The following TOMM20 variants were observed in gnomAD, a reference collection of about 807,000 sequenced individuals.
TOMM20 encodes translocase of outer mitochondrial membrane 20, also known as mitochondrial import receptor subunit TOM20 homolog.
A neutral mutation model predicts 22.1 loss-of-function variants in TOMM20; 10 were observed. That is an observed-to-expected ratio of 0.45 (90% CI 0.28 to 0.77). The LOEUF (loss-of-function observed/expected upper bound fraction) is 0.77. TOMM20 is among the 30% of genes least tolerant of loss of function. The probability of loss-of-function intolerance (pLI) is 0.13; values close to 1 mark genes in which losing one functional copy is unlikely to be tolerated. For synonymous variants in TOMM20, 55 were observed against 61.4 expected (o/e 0.90, Z 0.49); for missense variants, 121 against 172.2 (o/e 0.70, Z 1.66).
At chr1:235,125,515 G>A (rs964845716) in intron 1 of TOMM20, among the ~76,000 whole-genome samples, 8 of 151,416 alleles carry the variant, frequency 5.3e-5, no homozygotes, top group Middle Eastern at 3.5e-3. Flanking sequence ...ACGCCCGGCC[G>A]CCTAAGTCTC....
Position 235,109,755 on chromosome 1 carries a change from G to A in TOMM20, c.*2309C>T, listed in dbSNP as rs1660704648. 6.6e-6 allele frequency: 1 copy of A among 152,208 alleles called. No homozygotes were observed. Among genetic ancestry groups the A allele is most frequent in the Non-Finnish European group, 1.5e-5 (1 of 68,030 alleles). The allele number at this position is 152,208 out of a possible 1,614,324, so 9.4% of individuals were successfully genotyped here. On this transcript the variant is annotated 3_prime_UTR_variant, in exon 5 of 5. Transcript: ENST00000366607. ...GAACAAAACTATATCTTTGCCCAAA[G>A]AAGCACATCAACTGTTGCACTAATA...
Position 235,128,817 on chromosome 1 carries a change from G to T in TOMM20, c.-102C>A. The T allele has an allele frequency of 6.4e-7, 1 of 1,553,052 alleles. No homozygotes were observed. The highest frequency in any genetic ancestry group is 8.7e-7 in the Non-Finnish European group (1 of 1,150,852). On this transcript the variant is annotated 5_prime_UTR_variant, in exon 1 of 5. Coordinates refer to ENST00000366607, the MANE Select transcript of TOMM20 (RefSeq NM_014765.3). ...TCGGCGCAGCTCACACCCGACGGCC[G>T]CGGGCCAGGAACACAGAAAGGCCGA...
intron 3 of TOMM20, 116 bp from the exon 4 acceptor site, chr1:235,114,026 T>A (rs1660785688): frequency 8.7e-7 from 1 of 1,152,288 alleles, no homozygotes; most frequent in African/African-American, 1.5e-5. Context: ...AGTAAAATAC[T>A]GGAAATGACC....
chr1:235,118,793 G>A (rs373388224), intron 3 of TOMM20, among the ~76,000 whole-genome samples: 3 of 152,142 alleles, frequency 2.0e-5, no homozygotes, highest in African/African-American at 7.2e-5. Flanking sequence ...CCAAAGTGCT[G>A]GGAATACAGG....
chr1:235,109,964 T>G lies in TOMM20; in HGVS notation c.*2100A>C, dbSNP rs114130203. 3 of 152,188 alleles carry G rather than the reference T, an allele frequency of 2.0e-5. No homozygotes were observed. Among genetic ancestry groups the G allele is most frequent in the Admixed American group, 1.3e-4 (2 of 15,276 alleles). 9.4% of individuals were successfully genotyped at this position (152,188 alleles called of 1,614,324 possible). ...TTGTAAAACTTAAGATGGGGATGAA[T>G]AGTGTTTGGCAATTACATTTCTGGG... On this transcript the variant is annotated 3_prime_UTR_variant, in exon 5 of 5. Transcript: ENST00000366607.
At chr1:235,120,024 G>A in intron 2 of TOMM20, 125 bp from the exon 3 acceptor site, 3 of 528,998 alleles carry the variant, frequency 5.7e-6, no homozygotes, top group Non-Finnish European at 9.9e-6. Context: ...TCTGATAGAA[G>A]AACTTTACTC....
chr1:235,125,914 TA>T (rs1661009449), intron 1 of TOMM20, among the ~76,000 whole-genome samples: 1 of 150,650 alleles, frequency 6.6e-6, no homozygotes, highest in Non-Finnish European at 1.5e-5. Context: ...CACGCCCAGC[TA>T]ATTTTTTTTT....
chr1:235,116,941 C>T (rs965736194), intron 3 of TOMM20, among the ~76,000 whole-genome samples: 11 of 150,180 alleles, frequency 7.3e-5, no homozygotes, highest in Admixed American at 2.6e-4. Context: ...CGAGACCATC[C>T]TGGCTAACAT....
chr1:235,122,396 T>A lies in TOMM20; in HGVS notation c.122-24A>T, dbSNP rs114506194. 2.3e-3 allele frequency: 3,596 copies of A among 1,574,840 alleles called. 52 individuals carry two copies. In the African/African-American group the frequency reaches 0.037, roughly 16 times the overall value. ...TCCTGCAAGAAATGCAAAGTTATAT[T>A]TACATTTTGTCATTATAAAAATGGG... On this transcript the variant is annotated intron_variant, in intron 1 of 4. Transcript: ENST00000366607.
chr1:235,126,532 C>A (rs1368771040), intron 1 of TOMM20, among the ~76,000 whole-genome samples: 1 of 151,960 alleles, frequency 6.6e-6, no homozygotes, highest in African/African-American at 2.4e-5. Flanking sequence ...CATCCGGACG[C>A]GGTGGCTCAC....
intron 1 of TOMM20, among the ~76,000 whole-genome samples, chr1:235,125,766 G>GTC (rs1458102475): frequency 6.7e-6 from 1 of 148,612 alleles, no homozygotes; most frequent in Non-Finnish European, 1.5e-5. Context: ...TTGAGACCGA[G>GTC]TCTCGCTCTG....
intron 4 of TOMM20, 95 bp downstream of exon 4, chr1:235,113,673 A>C: frequency 6.9e-7 from 1 of 1,447,540 alleles, no homozygotes; most frequent in Non-Finnish European, 9.3e-7. Flanking sequence ...AGATAAGTTT[A>C]TTTCATCATG....
intron 2 of TOMM20, among the ~76,000 whole-genome samples, chr1:235,121,197 CAAA>C (rs5781819): frequency 7.9e-6 from 1 of 126,496 alleles, no homozygotes. Flanking sequence ...GACTCCATCT[CAAA>C]AAAAAAAAAA....
intron 4 of TOMM20, 28 bp downstream of exon 4, chr1:235,113,740 T>C (rs1660780677): frequency 6.3e-7 from 1 of 1,586,590 alleles, no homozygotes; most frequent in Non-Finnish European, 8.6e-7. Context: ...CCCACTCACT[T>C]TTATGTCATA....
chr1:235,113,858 T>C lies in TOMM20; in HGVS notation c.303A>G (p.Gly101=), dbSNP rs1021614878. 1.2e-6 allele frequency: 2 copies of C among 1,613,704 alleles called. No homozygotes were observed. Among genetic ancestry groups the C allele is most frequent in the Non-Finnish European group, 1.7e-6 (2 of 1,179,770 alleles). The change falls in exon 4 of 5, where the codon GGA becomes GGG. Residue 101 remains glycine, a synonymous_variant. Transcript: ENST00000366607. The part of the protein sequence containing the change: ...DHLTNAIAVC[G]QPQQLLQVLQ... ...AGACCTGCAGTAACTGCTGTGGCTG[T>C]CCACACACAGCAATTGCATTTGTCA... is the stretch of plus-strand genomic sequence containing the variant.
intron 1 of TOMM20, among the ~76,000 whole-genome samples, chr1:235,123,136 C>A (rs1330234407): frequency 6.6e-6 from 1 of 152,172 alleles, no homozygotes; most frequent in Non-Finnish European, 1.5e-5. Flanking sequence ...ATGAAACAAG[C>A]AAATGTCCTC....
At chr1:235,117,890 AG>A (rs1660861760) in intron 3 of TOMM20, among the ~76,000 whole-genome samples, 2 of 152,198 alleles carry the variant, frequency 1.3e-5, no homozygotes, top group East Asian at 3.8e-4. Flanking sequence ...CCAATTGTGT[AG>A]GTCATTGTCA....
intron 3 of TOMM20, among the ~76,000 whole-genome samples, chr1:235,117,215 T>G (rs1219372448): frequency 6.8e-6 from 1 of 146,614 alleles, no homozygotes; most frequent in Non-Finnish European, 1.5e-5. Flanking sequence ...TCCCAGCACT[T>G]TGGGAAGCCA....
At chr1:235,117,154 A>C (rs1204215768) in intron 3 of TOMM20, among the ~76,000 whole-genome samples, 1 of 145,210 alleles carries the variant, frequency 6.9e-6, no homozygotes, top group African/African-American at 2.6e-5. Flanking sequence ...AAAAAAAAAA[A>C]AAAAAAAAAA....
Sources: gnomAD v4.1 joint callset for allele counts (sites outside exome capture counted in the v4.1 genomes callset) on GRCh38, gnomAD v4.1.1 for gene constraint, MANE v1.5 for transcripts, NCBI Gene and HGNC (gene_info 2026-07-23, HGNC 2026-07-21) for gene names.